NAGLU: variants seen among roughly 807,000 people sequenced by gnomAD.
NAGLU encodes N-acetyl-alpha-glucosaminidase.
A neutral mutation model predicts 43.4 loss-of-function variants in NAGLU; 34 were observed. That is an observed-to-expected ratio of 0.78 (90% CI 0.60 to 1.04). NAGLU has a LOEUF of 1.04. Ranked by LOEUF, NAGLU falls within the 50% of genes least tolerant of loss-of-function variation. NAGLU has a pLI of 0.00. For synonymous variants in NAGLU, 425 were observed against 437.6 expected (o/e 0.97, Z 0.36); for missense variants, 910 against 993.7 (o/e 0.92, Z 1.13).
At position 42,543,126 on chromosome 17, in the gene NAGLU, C is replaced by T. The variant is rs770055150; in HGVS notation, c.1120C>T (p.Pro374Ser). Reference protein sequence around the residue: ...AQIRAVLGAVPRGRLLVLDLF... With the variant: ...AQIRAVLGAVSRGRLLVLDLF... The stretch of plus-strand genomic sequence containing the variant: ...GATCAGGGCTGTGCTGGGAGCTGTG[C>T]CCCGTGGCCGCCTCCTGGTTCTGGA... The change falls in exon 6 of 6, where the codon CCC becomes TCC. Residue 374 changes from proline to serine, a missense_variant. Physicochemically the swap from Pro to Ser is moderately conservative, Grantham distance 74 (BLOSUM62 -1). Transcript: ENST00000225927. 2.5e-6 allele frequency: 4 copies of T among 1,613,576 alleles called. No homozygotes were observed. The South Asian group carries it at 3.3e-5, about 13-fold the overall frequency.
At chr17:42,538,049 C>G (rs984495970) in intron 2 of NAGLU, among the ~76,000 whole-genome samples, 2 of 152,140 alleles carry the variant, frequency 1.3e-5, no homozygotes, top group African/African-American at 4.8e-5. Flanking sequence ...CACAGTTGCC[C>G]TGCCCTTCCA....
At chr17:42,536,825 C>G (rs2143078733) in intron 1 of NAGLU, 170 bp downstream of exon 1, 2 of 1,272,304 alleles carry the variant, frequency 1.6e-6, no homozygotes, top group East Asian at 6.2e-5. Context: ...AGAGCCTCGG[C>G]TGGCCCACCT....
rs1432640590 is a variant in NAGLU at position 42,540,948 on chromosome 17, A to G, written c.765-2A>G. ...AATATCTGAGCTTTTGCTCCCCACT[A>G]GGGTGTTCCCTCAGGTCAATGTCAC... is the stretch of plus-strand genomic sequence containing the variant. On this transcript the variant is annotated splice_acceptor_variant, in intron 4 of 5. Transcript: ENST00000225927. LOFTEE classifies it high-confidence loss of function. The G allele has an allele frequency of 6.2e-7, 1 of 1,614,114 alleles. No individual in the cohort carries two copies. Among genetic ancestry groups the G allele is most frequent in the Non-Finnish European group, 8.5e-7 (1 of 1,180,016 alleles).
At chr17:42,539,065 T>G (rs1161947810) in intron 4 of NAGLU, among the ~76,000 whole-genome samples, 3 of 152,192 alleles carry the variant, frequency 2.0e-5, no homozygotes, top group Non-Finnish European at 2.9e-5. Flanking sequence ...GACGTTGCAG[T>G]GAGTCAAGAT....
In NAGLU at chr17:42,541,587, C is replaced by T. The variant is rs1599258999; in HGVS notation, c.1021+381C>T. On this transcript the variant is annotated intron_variant, in intron 5 of 5. Transcript: ENST00000225927. ...GAACAAGGATTTTGTTTCATCTCTGCGTGGTTGCTGAAGTAGGCACTGCAG... is the reference window on the plus strand; with the variant it reads ...GAACAAGGATTTTGTTTCATCTCTGTGTGGTTGCTGAAGTAGGCACTGCAG... 5.9e-5 allele frequency among the ~76,000 whole-genome samples: 9 copies of T among 152,324 alleles called. No homozygotes were observed. The South Asian group carries it at 1.9e-3, about 32-fold the overall frequency.
At chr17:42,537,347 C>T in intron 1 of NAGLU, 51 bp from the exon 2 acceptor site, 1 of 1,612,558 alleles carries the variant, frequency 6.2e-7, no homozygotes. Flanking sequence ...TGTTCCAGGG[C>T]CGTGGACCCT....
At position 42,543,474 on chromosome 17, in the gene NAGLU, G is replaced by A. The variant is rs761373883; in HGVS notation, c.1468G>A (p.Ala490Thr). The A allele has an allele frequency of 1.9e-6, 3 of 1,600,056 alleles. No homozygotes were observed. Among genetic ancestry groups the A allele is most frequent in the African/African-American group, 1.3e-5 (1 of 74,842 alleles). The change falls in exon 6 of 6, where the codon GCA becomes ACA. Residue 490 changes from alanine (A) to threonine (T), a missense_variant. Physicochemically the swap from Ala to Thr is moderately conservative, Grantham distance 58. Transcript: ENST00000225927. ...ARRYGVSHPD[A>T]GAAWRLLLRS... ...GCGGTATGGGGTCTCCCACCCGGAC[G>A]CAGGGGCAGCGTGGAGGCTACTGCT...
Position 42,537,359 on chromosome 17 carries a change from C to T in NAGLU, c.384-39C>T, listed in dbSNP as rs752071184. 46 of 1,613,420 alleles carry T rather than the reference C, an allele frequency of 2.9e-5. 2 individuals are homozygous for T. The South Asian group carries it at 4.9e-4, about 17-fold the overall frequency. ...ATTTGTTCCAGGGCCGTGGACCCTC[C>T]AGGGTGGGATGCGCCCCTGCTCATG... On this transcript the variant is annotated intron_variant, in intron 1 of 5. Coordinates refer to ENST00000225927, the MANE Select transcript of NAGLU (RefSeq NM_000263.4).
chr17:42,543,533 C>G lies in NAGLU; in HGVS notation c.1527C>G (p.Cys509Trp). 6.2e-7 allele frequency: 1 copy of G among 1,608,602 alleles called. No homozygotes were observed. The highest frequency in any genetic ancestry group is 8.5e-7 in the Non-Finnish European group (1 of 1,178,746). ...TGTACAACTGCTCCGGGGAGGCCTGCAGGGGCCACAATCGTAGCCCGCTGG... is the reference window on the plus strand; with the variant it reads ...TGTACAACTGCTCCGGGGAGGCCTGGAGGGGCCACAATCGTAGCCCGCTGG... ...RSVYNCSGEACRGHNRSPLVR... is the reference protein window; with the variant it reads ...RSVYNCSGEAWRGHNRSPLVR... The change falls in exon 6 of 6, where the codon TGC (cysteine) becomes TGG (tryptophan). Residue 509 changes from cysteine to tryptophan, a missense_variant. Physicochemically the swap from Cys to Trp is radical, Grantham distance 215 (BLOSUM62 -2). Transcript: ENST00000225927.
Position 42,536,625 on chromosome 17 carries a change from C to G in NAGLU, c.353C>G (p.Pro118Arg). The change falls in exon 1 of 6, where the codon CCG becomes CGG. Residue 118 changes from proline to arginine, a missense_variant. Transcript: ENST00000225927. Reference protein sequence around the residue: ...LRLPRPLPAVPGELTEATPNR... With the variant: ...LRLPRPLPAVRGELTEATPNR... The stretch of plus-strand genomic sequence containing the variant: ...CTGCCGCGGCCACTGCCAGCCGTGC[C>G]GGGGGAGCTGACCGAGGCCACGCCC... 6.0e-6 allele frequency: 9 copies of G among 1,498,934 alleles called. No homozygotes were observed. Among genetic ancestry groups the G allele is most frequent in the Non-Finnish European group, 8.0e-6 (9 of 1,131,612 alleles). The allele number at this position is 1,498,934 out of a possible 1,614,324, so 92.9% of individuals were successfully genotyped here. A position where few individuals can be genotyped will look rare whatever the true frequency, so the allele number is the denominator to read the frequency against.
chr17:42,541,127 C>A lies in NAGLU; in HGVS notation c.942C>A (p.Phe314Leu). ...GTDHIYGADT[F>L]NEMQPPSSEP... ...ACCACATCTATGGGGCCGACACTTTCAATGAGATGCAGCCACCTTCCTCAG... is the reference window on the plus strand; with the variant it reads ...ACCACATCTATGGGGCCGACACTTTAAATGAGATGCAGCCACCTTCCTCAG... Residue 314 changes from phenylalanine (F) to leucine (L), a missense_variant, in exon 5 of 6, where the codon TTC becomes TTA. Physicochemically the swap from Phe to Leu is conservative, Grantham distance 22. Transcript: ENST00000225927. 1 of 1,614,088 alleles carries A rather than the reference C, an allele frequency of 6.2e-7. No individual in the cohort carries two copies. Among genetic ancestry groups the A allele is most frequent in the Non-Finnish European group, 8.5e-7 (1 of 1,180,030 alleles).
rs371083564 is a variant in NAGLU at position 42,541,825 on chromosome 17, CCAG to C, written c.1021+639_1021+641del. ...GTACTGCTCCAAGTGTGACCCAAAA[CCAG>C]CAGCAGCAGCAGCAGCAGCCCGAGC... On this transcript the variant is annotated intron_variant, in intron 5 of 5. Transcript: ENST00000225927. 4.6e-5 allele frequency among the ~76,000 whole-genome samples: 7 copies of C among 151,838 alleles called. 1 individual carries two copies. The highest frequency in any genetic ancestry group is 4.1e-4 in the South Asian group (2 of 4,826).
Position 42,544,191 on chromosome 17 carries a change from A to C in NAGLU, c.2185A>C (p.Lys729Gln), listed in dbSNP as rs144807822. The C allele has an allele frequency of 6.0e-5, 97 of 1,612,838 alleles. No individual in the cohort carries two copies. Among genetic ancestry groups the C allele is most frequent in the Non-Finnish European group, 7.7e-5 (91 of 1,180,018 alleles). ...AGGAGACACTGTGGACCTGGCCAAGAAGATCTTCCTCAAATATTACCCCCG... is the reference window on the plus strand; with the variant it reads ...AGGAGACACTGTGGACCTGGCCAAGCAGATCTTCCTCAAATATTACCCCCG... The part of the protein sequence containing the change: ...PRGDTVDLAK[K>Q]IFLKYYPRWV... Residue 729 changes from lysine to glutamine, a missense_variant, in exon 6 of 6, where the codon AAG becomes CAG. Coordinates refer to ENST00000225927, the MANE Select transcript of NAGLU (RefSeq NM_000263.4).
intron 5 of NAGLU, among the ~76,000 whole-genome samples, 195 bp from the exon 6 acceptor site, chr17:42,542,833 C>T (rs571473702): frequency 6.6e-6 from 1 of 152,362 alleles, no homozygotes; most frequent in Non-Finnish European, 1.5e-5. Flanking sequence ...GGGTAACTCT[C>T]ATGTTCACCC....
Position 42,544,268 on chromosome 17 carries a change from C to T in NAGLU, c.*30C>T, listed in dbSNP as rs751851776. 1.9e-5 allele frequency: 31 copies of T among 1,603,510 alleles called. No individual in the cohort carries two copies. The East Asian group carries it at 3.3e-4, about 17-fold the overall frequency. ...TTCGCCACCACTGGGCCTTGTTTTC[C>T]GCTAATTCCAGGGCAGATTCCAGGG... On this transcript the variant is annotated 3_prime_UTR_variant, in exon 6 of 6. Coordinates refer to ENST00000225927, the MANE Select transcript of NAGLU (RefSeq NM_000263.4).
intron 5 of NAGLU, 32 bp downstream of exon 5, chr17:42,541,238 C>G: frequency 6.2e-7 from 1 of 1,608,934 alleles, no homozygotes; most frequent in Non-Finnish European, 8.5e-7. Context: ...GGAGAGCCCC[C>G]CAGACCCTCA....
rs115166595 is a variant in NAGLU at position 42,543,794 on chromosome 17, C to G, written c.1788C>G (p.Gly596=). The G allele has an allele frequency of 3.7e-6, 6 of 1,608,716 alleles. No homozygotes were observed. The South Asian group carries it at 6.6e-5, about 18-fold the overall frequency. The change falls in exon 6 of 6, where the codon GGC becomes GGG. Residue 596 remains glycine (G), a synonymous_variant. Coordinates refer to ENST00000225927, the MANE Select transcript of NAGLU (RefSeq NM_000263.4). ...TGGCCTCCCTGTTGAGGGCTGGAGGCGTCCTGGCCTATGAGCTGCTGCCGG... is the reference window on the plus strand; with the variant it reads ...TGGCCTCCCTGTTGAGGGCTGGAGGGGTCCTGGCCTATGAGCTGCTGCCGG... ...KELASLLRAG[G]VLAYELLPAL... is the part of the protein sequence containing the mutation.
In NAGLU at chr17:42,536,320, C is replaced by CGGGGCCGGGGGCGCGGCAGGCGACG. The variant is rs2092905845; in HGVS notation, c.49_73dup (p.Glu25GlyfsTer175). On this transcript the variant is annotated frameshift_variant, in exon 1 of 6. Transcript: ENST00000225927. LOFTEE classifies it high-confidence loss of function. ...CGGCGGTGGGGGTCCTTCTCCTGGC[C>CGGGGCCGGGGGCGCGGCAGGCGACG]GGGGCCGGGGGCGCGGCAGGCGACG... The CGGGGCCGGGGGCGCGGCAGGCGACG allele has an allele frequency of 1.6e-6, 2 of 1,217,716 alleles. No homozygotes were observed. The highest frequency in any genetic ancestry group is 4.3e-5 in the Admixed American group (1 of 23,122). 75.4% of individuals were successfully genotyped at this position (1,217,716 alleles called of 1,614,324 possible). A position where few individuals can be genotyped will look rare whatever the true frequency, so the allele number is the denominator to read the frequency against.
At chr17:42,539,286 C>T (rs984168807) in intron 4 of NAGLU, among the ~76,000 whole-genome samples, 1 of 152,214 alleles carries the variant, frequency 6.6e-6, no homozygotes, top group Non-Finnish European at 1.5e-5. Flanking sequence ...AATTATCTCT[C>T]GATCTATCTG....
Sources: gnomAD v4.1 joint callset for allele counts (sites outside exome capture counted in the v4.1 genomes callset) on GRCh38, gnomAD v4.1.1 for gene constraint, MANE v1.5 for transcripts, NCBI Gene and HGNC (gene_info 2026-07-23, HGNC 2026-07-21) for gene names.